TRIM25: variants seen among roughly 807,000 people sequenced by gnomAD.
The protein encoded by TRIM25 is E3 ubiquitin/ISG15 ligase TRIM25.
In TRIM25, 45 loss-of-function variants were observed where a neutral mutation model predicts 65.2. The observed-to-expected ratio is 0.69, with a 90% confidence interval of 0.54 to 0.89. The LOEUF (loss-of-function observed/expected upper bound fraction) is 0.89, where lower values mean the gene tolerates loss of function less well. TRIM25 is among the 40% of genes least tolerant of loss of function. The pLI is 0.00. For missense variants in TRIM25, 714 were observed against 803.7 expected, an observed-to-expected ratio of 0.89 and a Z score of 1.35; for synonymous variants, 321 against 340.4, an observed-to-expected ratio of 0.94 and a Z score of 0.63.
chr17:56,907,399 G>A (rs1909541560), intron 2 of TRIM25, among the ~76,000 whole-genome samples: 1 of 152,138 alleles, frequency 6.6e-6, no homozygotes, highest in Non-Finnish European at 1.5e-5. Context: ...GTGCAAATTG[G>A]GAAACGAAGG....
At chr17:56,900,753 C>G (rs1407376000) in intron 4 of TRIM25, among the ~76,000 whole-genome samples, 2 of 152,148 alleles carry the variant, frequency 1.3e-5, no homozygotes, top group East Asian at 3.9e-4. Flanking sequence ...GGAGAGAGAC[C>G]AACAGGGCTT....
At position 56,913,679 on chromosome 17, in the gene TRIM25, G is replaced by C; in HGVS notation, c.310C>G (p.Gln104Glu). Reference protein sequence around the residue: ...ARASAPSPNAQVACDHCLKEA... With the variant: ...ARASAPSPNAEVACDHCLKEA... ...TTCAGGCAGTGGTCGCAGGCCACCTGGGCATTCGGGCTGGGTGCAGAGGCG... is the reference window on the plus strand; with the variant it reads ...TTCAGGCAGTGGTCGCAGGCCACCTCGGCATTCGGGCTGGGTGCAGAGGCG... The change falls in exon 1 of 9, where the codon CAG becomes GAG. Residue 104 changes from glutamine to glutamate, a missense_variant. Coordinates refer to ENST00000316881, the MANE Select transcript of TRIM25 (RefSeq NM_005082.5). The surrounding 1 kb of genome is among the most constrained non-coding windows in gnomAD (Gnocchi z 6.1). The C allele has an allele frequency of 6.3e-7, 1 of 1,592,502 alleles. No individual in the cohort carries two copies. The highest frequency in any genetic ancestry group is 8.6e-7 in the Non-Finnish European group (1 of 1,168,778).
intron 2 of TRIM25, among the ~76,000 whole-genome samples, chr17:56,908,172 G>T (rs1011463401): frequency 3.9e-5 from 6 of 152,184 alleles, no homozygotes; most frequent in African/African-American, 1.4e-4. Flanking sequence ...ATATACTTTT[G>T]CTTCCTCTTT....
Position 56,890,595 on chromosome 17 carries a change from A to T in TRIM25, c.*1105T>A, listed in dbSNP as rs375127320. On this transcript the variant is annotated 3_prime_UTR_variant, in exon 9 of 9. Transcript: ENST00000316881. ...TTGACACCCCAGCAAGTGGCCTAGC[A>T]TGGTCCGAGGCAGCCGCATAGCCTG... 8.8e-6 allele frequency: 4 copies of T among 456,226 alleles called. No homozygotes were observed. The East Asian group carries it at 2.8e-4, about 32-fold the overall frequency. The allele number at this position is 456,226 out of a possible 1,614,324, so 28.3% of individuals were successfully genotyped here. A position where few individuals can be genotyped will look rare whatever the true frequency, so the allele number is the denominator to read the frequency against.
intron 4 of TRIM25, among the ~76,000 whole-genome samples, chr17:56,901,089 G>A (rs1909401522): frequency 6.6e-6 from 1 of 152,074 alleles, no homozygotes. Context: ...CCCCAAACGG[G>A]CCATTCCCCC....
intron 5 of TRIM25, 82 bp from the exon 6 acceptor site, chr17:56,896,034 G>GA: frequency 7.1e-7 from 1 of 1,401,146 alleles, no homozygotes; most frequent in Non-Finnish European, 9.9e-7. Context: ...TCATGTGCAT[G>GA]AATTTGACCC....
intron 2 of TRIM25, among the ~76,000 whole-genome samples, chr17:56,907,440 C>G (rs1909542298): frequency 6.6e-6 from 1 of 152,182 alleles, no homozygotes; most frequent in Admixed American, 6.5e-5. Flanking sequence ...ACCAAAGCAA[C>G]ATAAACTAGT....
Position 56,889,147 on chromosome 17 carries a change from TA to T in TRIM25, c.*2552del, listed in dbSNP as rs1178962054. ...GATCACAGATCAATTTCAGAGTACT[TA>T]AAACAGGAATAATCAGCTACCACAT... On this transcript the variant is annotated 3_prime_UTR_variant, in exon 9 of 9. Coordinates refer to ENST00000316881, the MANE Select transcript of TRIM25 (RefSeq NM_005082.5). 1.3e-5 allele frequency: 2 copies of T among 152,142 alleles called. No individual in the cohort carries two copies. Among genetic ancestry groups the T allele is most frequent in the African/African-American group, 4.8e-5 (2 of 41,418 alleles). 9.4% of individuals were successfully genotyped at this position (152,142 alleles called of 1,614,324 possible). A position where few individuals can be genotyped will look rare whatever the true frequency, so the allele number is the denominator to read the frequency against.
rs901073383 is a variant in TRIM25, at chr17:56,895,834, C to G, written c.1180+92G>C. 28 of 1,503,118 alleles carry G rather than the reference C, an allele frequency of 1.9e-5. No homozygotes were observed. The East Asian group carries it at 5.5e-4, about 30-fold the overall frequency. The allele number at this position is 1,503,118 out of a possible 1,614,324, so 93.1% of individuals were successfully genotyped here. Reference sequence around the variant, plus strand: ...AATCATATAGAACCCATCACAGAACCCTGATGAGAGAGGTCGACTCTCACT... The same window carrying G: ...AATCATATAGAACCCATCACAGAACGCTGATGAGAGAGGTCGACTCTCACT... On this transcript the variant is annotated intron_variant, in intron 6 of 8. Coordinates refer to ENST00000316881, the MANE Select transcript of TRIM25 (RefSeq NM_005082.5).
At chr17:56,902,976 C>T (rs1909442847) in intron 3 of TRIM25, among the ~76,000 whole-genome samples, 1 of 152,220 alleles carries the variant, frequency 6.6e-6, no homozygotes, top group African/African-American at 2.4e-5. Flanking sequence ...TGCCTGCTCC[C>T]AGCTTCACCT....
chr17:56,898,127 T>TGGTATATGAACATGTCAGC (rs1909329889), intron 5 of TRIM25, among the ~76,000 whole-genome samples: 1 of 152,000 alleles, frequency 6.6e-6, no homozygotes, highest in African/African-American at 2.4e-5. Flanking sequence ...GACATGTCAG[T>TGGTATATGAACATGTCAGC]GGTATATGAA....
At position 56,913,846 on chromosome 17, in the gene TRIM25, TATGGC is replaced by T. The variant is rs1395821337; in HGVS notation, c.138_142del (p.Tyr48ValfsTer135). On this transcript the variant is annotated frameshift_variant, in exon 1 of 9. Coordinates refer to ENST00000316881, the MANE Select transcript of TRIM25 (RefSeq NM_005082.5). LOFTEE classifies it high-confidence loss of function. This position sits in a 1 kb window ranked among gnomAD's most constrained non-coding sequence, Gnocchi z 6.1. Reference sequence around the variant, plus strand: ...GACGGCGCGGCACTGCGGGCACAGGTATGGCGAGCCCTGGACTGCCCACGTCTCAT... The same window carrying T: ...GACGGCGCGGCACTGCGGGCACAGGTGAGCCCTGGACTGCCCACGTCTCAT... 6 of 1,561,508 alleles carry T rather than the reference TATGGC, an allele frequency of 3.8e-6. No homozygotes were observed. The highest frequency in any genetic ancestry group is 5.2e-6 in the Non-Finnish European group (6 of 1,153,484).
chr17:56,910,006 G>C (rs891917519), intron 1 of TRIM25, among the ~76,000 whole-genome samples: 1 of 152,032 alleles, frequency 6.6e-6, no homozygotes, highest in Non-Finnish European at 1.5e-5. Flanking sequence ...AACACTATGA[G>C]GTAGGAATTA....
At chr17:56,893,048 G>A (rs1453938390) in intron 8 of TRIM25, among the ~76,000 whole-genome samples, 1 of 152,234 alleles carries the variant, frequency 6.6e-6, no homozygotes, top group Non-Finnish European at 1.5e-5. Context: ...TCCAGACAGA[G>A]GGAACAGTGA....
chr17:56,901,278 A>C, intron 4 of TRIM25, 141 bp downstream of exon 4: 1 of 946,444 alleles, frequency 1.1e-6, no homozygotes, highest in Non-Finnish European at 1.6e-6. Context: ...GCCTCCAGAC[A>C]GAGGGCGGAT....
At position 56,908,541 on chromosome 17, in the gene TRIM25, G is replaced by C; in HGVS notation, c.620C>G (p.Thr207Ser). The change falls in exon 2 of 9, where the codon ACT becomes AGT. Residue 207 changes from threonine to serine, a missense_variant. Thr to Ser is a moderately conservative substitution (Grantham distance 58, BLOSUM62 1). Coordinates refer to ENST00000316881, the MANE Select transcript of TRIM25 (RefSeq NM_005082.5). ...DLEATLRHKLTVMYSQINGAS... is the reference protein window; with the variant it reads ...DLEATLRHKLSVMYSQINGAS... ...CCCGTTGATCTGACTGTACATGACA[G>C]TTAGTTTGTGCCTCAGGGTGGCCTG... 2 of 1,613,974 alleles carry C rather than the reference G, an allele frequency of 1.2e-6. No individual in the cohort carries two copies. The highest frequency in any genetic ancestry group is 1.7e-6 in the Non-Finnish European group (2 of 1,180,026).
At chr17:56,898,103 T>TTCAGTGGTATATGGACATG (rs1909328900) in intron 5 of TRIM25, among the ~76,000 whole-genome samples, 1 of 152,122 alleles carries the variant, frequency 6.6e-6, no homozygotes, top group Non-Finnish European at 1.5e-5. Flanking sequence ...CAGCTAACAT[T>TTCAGTGGTATATGGACATG]TCAGTGGTAT....
At chr17:56,906,744 C>T (rs1417817237) in intron 2 of TRIM25, among the ~76,000 whole-genome samples, 2 of 152,220 alleles carry the variant, frequency 1.3e-5, no homozygotes, top group African/African-American at 4.8e-5. Flanking sequence ...ATCCATGCGT[C>T]TCGGCCTCCC....
Position 56,913,302 on chromosome 17 carries a change from G to T in TRIM25, c.597+90C>A. ...GAATTCAGGCCCATCTCCCCAGGGC[G>T]TCCAGAGTGTGGCAGAGAGGCCCCC... On this transcript the variant is annotated intron_variant, in intron 1 of 8. Coordinates refer to ENST00000316881, the MANE Select transcript of TRIM25 (RefSeq NM_005082.5). This position sits in a 1 kb window ranked among gnomAD's most constrained non-coding sequence, Gnocchi z 6.1. 3 of 1,261,786 alleles carry T rather than the reference G, an allele frequency of 2.4e-6. No homozygotes were observed. The highest frequency in any genetic ancestry group is 3.2e-6 in the Non-Finnish European group (3 of 926,646). 78.2% of individuals were successfully genotyped at this position (1,261,786 alleles called of 1,614,324 possible). A position where few individuals can be genotyped will look rare whatever the true frequency, so the allele number is the denominator to read the frequency against.
Sources: allele counts gnomAD v4.1 joint callset (sites outside exome capture counted in the v4.1 genomes callset), GRCh38; gene constraint gnomAD v4.1.1; non-coding constraint Gnocchi (gnomAD v3.1); transcripts MANE v1.5; gene names NCBI Gene and HGNC (gene_info 2026-07-23, HGNC 2026-07-21).